Variants in SCARB2 observed in about 807,000 individuals in gnomAD.
SCARB2 encodes the protein lysosome membrane protein 2.
In SCARB2, 29 loss-of-function variants were observed where a neutral mutation model predicts 58.6. The ratio of observed to expected loss-of-function variants is 0.49; its 90% CI spans 0.37 to 0.67. The LOEUF is 0.67. Ranked by LOEUF, SCARB2 falls within the 30% of genes least tolerant of loss-of-function variation. The probability of loss-of-function intolerance (pLI) is 0.00; values close to 1 mark genes in which losing one functional copy is unlikely to be tolerated. For missense variants in SCARB2, 488 were observed against 578.5 expected, an observed-to-expected ratio of 0.84 and a Z score of 1.60; for synonymous variants, 195 against 210.1, an observed-to-expected ratio of 0.93 and a Z score of 0.62.
intron 9 of SCARB2, chr4:76,166,540 AATG>A: frequency 1.7e-6 from 1 of 582,852 alleles, no homozygotes. Context: ...GATTCCTTAA[AATG>A]ATGACTAGTC....
upstream of SCARB2, chr4:76,217,792 A>G (rs1393885067): frequency 2.5e-6 from 1 of 407,314 alleles, no homozygotes; most frequent in Non-Finnish European, 4.4e-6. Flanking sequence ...AGAAGACTTT[A>G]TCTGAGAAGA....
chr4:76,212,542 G>A (rs1210139055), intron 1 of SCARB2, among the ~76,000 whole-genome samples: 1 of 152,204 alleles, frequency 6.6e-6, no homozygotes, highest in Non-Finnish European at 1.5e-5. Flanking sequence ...AATGAAGCGT[G>A]CAGTTATGGA....
rs1732239221 is a variant in SCARB2 at position 76,175,753 on chromosome 4, C to T, written c.824+38G>A. The T allele has an allele frequency of 8.1e-6, 13 of 1,612,682 alleles. No individual in the cohort carries two copies. The East Asian group carries it at 2.9e-4, about 36-fold the overall frequency. On this transcript the variant is annotated intron_variant, in intron 6 of 11. Coordinates refer to ENST00000264896, the MANE Select transcript of SCARB2 (RefSeq NM_005506.4). ...TTTTGGTGGTCTTGCAGTGAAAGAC[C>T]TTATTTTTGAAAAAGAACTTATCTT...
chr4:76,164,184 GA>G (rs1162166478), intron 10 of SCARB2: 1 of 152,208 alleles, frequency 6.6e-6, no homozygotes, highest in Non-Finnish European at 1.5e-5. Flanking sequence ...TAGAAATAAT[GA>G]GCAACAATTC....
intron 6 of SCARB2, chr4:76,175,446 A>G (rs1732233045): frequency 2.9e-6 from 1 of 340,110 alleles, no homozygotes; most frequent in African/African-American, 2.1e-5. Context: ...CCCTGGGCTA[A>G]GTATTTGACT....
Position 76,161,874 on chromosome 4 carries a change from C to T in SCARB2, c.1399-123G>A, listed in dbSNP as rs1021966733. ...AGAGACCTATAGGAAGGTGGCTCAT[C>T]TCACTCACCTCCCCTCTTGGGCTGC... On this transcript the variant is annotated intron_variant, in intron 11 of 11. Transcript: ENST00000264896. The T allele has an allele frequency of 3.6e-6, 3 of 836,944 alleles. No homozygotes were observed. The African/African-American group carries it at 5.1e-5, about 14-fold the overall frequency. 51.8% of individuals were successfully genotyped at this position (836,944 alleles called of 1,614,324 possible). A position where few individuals can be genotyped will look rare whatever the true frequency, so the allele number is the denominator to read the frequency against.
intron 10 of SCARB2, 165 bp downstream of exon 10, chr4:76,166,085 A>T: frequency 1.3e-6 from 1 of 759,698 alleles, no homozygotes; most frequent in Non-Finnish European, 2.3e-6. Flanking sequence ...TCTCAGACAC[A>T]GGCAGATTCA....
At chr4:76,222,676 TTGTCA>T (rs1383105688) in intron 1 of SCARB2, among the ~76,000 whole-genome samples, 1 of 152,216 alleles carries the variant, frequency 6.6e-6, no homozygotes, top group Non-Finnish European at 1.5e-5. Context: ...CATCCTTTGC[TTGTCA>T]CTGTTGAAGT....
At chr4:76,197,462 C>T (rs1301779561) in intron 1 of SCARB2, among the ~76,000 whole-genome samples, 2 of 152,294 alleles carry the variant, frequency 1.3e-5, no homozygotes, top group East Asian at 3.9e-4. Context: ...TAGACTAGTC[C>T]TAAAGCGGAC....
chr4:76,224,615 T>C (rs540740223), intron 1 of SCARB2, among the ~76,000 whole-genome samples: 76 of 152,264 alleles, frequency 5.0e-4, no homozygotes, highest in Non-Finnish European at 9.4e-4. Flanking sequence ...TCAGGCAGAG[T>C]GCAGTGGCAT....
intron 6 of SCARB2, chr4:76,175,485 C>A (rs1052216701): frequency 2.6e-6 from 1 of 386,916 alleles, no homozygotes; most frequent in Non-Finnish European, 4.9e-6. Context: ...CTCATAACAA[C>A]CTCTAACATA....
chr4:76,211,682 A>T (rs1272546978), intron 1 of SCARB2, among the ~76,000 whole-genome samples: 1 of 152,160 alleles, frequency 6.6e-6, no homozygotes, highest in African/African-American at 2.4e-5. Context: ...TAACATCCTC[A>T]ATCTTTCCCA....
intron 1 of SCARB2, among the ~76,000 whole-genome samples, chr4:76,200,695 C>A (rs954036473): frequency 6.6e-6 from 1 of 152,208 alleles, no homozygotes; most frequent in African/African-American, 2.4e-5. Flanking sequence ...TTAGATCCTT[C>A]CAGTAGCATG....
intron 7 of SCARB2, among the ~76,000 whole-genome samples, chr4:76,170,538 G>A: frequency 6.6e-6 from 1 of 151,340 alleles, no homozygotes; most frequent in South Asian, 2.1e-4. Flanking sequence ...ATTTTTGGTG[G>A]TTTTTTGTTT....
At chr4:76,189,691 T>TA (rs1408790262) in intron 2 of SCARB2, among the ~76,000 whole-genome samples, 1 of 152,058 alleles carries the variant, frequency 6.6e-6, no homozygotes, top group Non-Finnish European at 1.5e-5. Context: ...ACATTGGTCT[T>TA]AAACTCCTGA....
intron 4 of SCARB2, 189 bp from the exon 5 acceptor site, chr4:76,176,717 G>A: frequency 1.8e-6 from 1 of 565,722 alleles, no homozygotes; most frequent in Non-Finnish European, 3.1e-6. Flanking sequence ...GAGTGGCTGG[G>A]CCCCCTCCAA....
At chr4:76,175,045 G>A (rs1003325533) in intron 6 of SCARB2, 1 of 151,990 alleles carries the variant, frequency 6.6e-6, no homozygotes, top group Non-Finnish European at 1.5e-5. Context: ...CTCTGAACCA[G>A]AGCTGTTGAT....
At chr4:76,194,766 G>C (rs748021655) in intron 2 of SCARB2, 3 of 152,158 alleles carry the variant, frequency 2.0e-5, no homozygotes, top group Non-Finnish European at 4.4e-5. Context: ...GGAGAGGGAG[G>C]AGGTATTGTA....
intron 2 of SCARB2, among the ~76,000 whole-genome samples, chr4:76,186,785 G>A (rs1398654876): frequency 6.6e-6 from 1 of 152,078 alleles, no homozygotes; most frequent in Non-Finnish European, 1.5e-5. Context: ...AAGATGGTGT[G>A]AGAGATCTTT....
Sources: allele counts gnomAD v4.1 joint callset (sites outside exome capture counted in the v4.1 genomes callset), GRCh38; gene constraint gnomAD v4.1.1; transcripts MANE v1.5; gene names NCBI Gene and HGNC (gene_info 2026-07-23, HGNC 2026-07-21).